ASB15: variants seen among roughly 807,000 people sequenced by gnomAD.
The protein encoded by ASB15 is ankyrin repeat and SOCS box protein 15.
In ASB15, 54 loss-of-function variants were observed where a neutral mutation model predicts 58.0. That is an observed-to-expected ratio of 0.93 (90% CI 0.75 to 1.17). The LOEUF (loss-of-function observed/expected upper bound fraction) is 1.17. Ranked by LOEUF, ASB15 falls within the 50% of genes most tolerant of loss-of-function variation. ASB15 has a pLI of 0.00. For synonymous variants in ASB15, 249 were observed against 262.4 expected (o/e 0.95, Z 0.50); for missense variants, 680 against 707.4 (o/e 0.96, Z 0.44).
At position 123,629,244 on chromosome 7, in the gene ASB15, G is replaced by A. The variant is rs149642706; in HGVS notation, c.1250G>A (p.Arg417His). ...NCYFMHVNDT[R>H]FPSVIQYALN... ...TATTTTATGCATGTGAATGACACTC[G>A]TTTCCCCAGTGTCATTCAATATGCT... The change falls in exon 10 of 12, where the codon CGT becomes CAT. Residue 417 changes from arginine to histidine, a missense_variant. By Grantham distance (29) the Arg-to-His change is conservative. Transcript: ENST00000451215. 257 of 1,613,850 alleles carry A rather than the reference G, an allele frequency of 1.6e-4. No homozygotes were observed. Among genetic ancestry groups the A allele is most frequent in the Non-Finnish European group, 1.9e-4 (220 of 1,179,910 alleles).
intron 1 of ASB15, among the ~76,000 whole-genome samples, chr7:123,591,492 G>A (rs570367310): frequency 5.5e-4 from 83 of 152,264 alleles, no homozygotes; most frequent in Non-Finnish European, 8.1e-4. Context: ...CTAGTTTATT[G>A]AGAGTTTTAA....
intron 2 of ASB15, among the ~76,000 whole-genome samples, chr7:123,607,081 T>C (rs542716806): frequency 1.3e-5 from 2 of 152,320 alleles, no homozygotes; most frequent in South Asian, 4.1e-4. Flanking sequence ...TGTGCCAGAA[T>C]GGATAGTTTA....
chr7:123,616,456 G>A lies in ASB15; in HGVS notation c.253G>A (p.Val85Ile), dbSNP rs763712049. 1 of 1,612,596 alleles carries A rather than the reference G, an allele frequency of 6.2e-7. No homozygotes were observed. Among genetic ancestry groups the A allele is most frequent in the South Asian group, 1.1e-5 (1 of 90,954 alleles). Residue 85 changes from valine to isoleucine, a missense_variant, in exon 6 of 12, where the codon GTT (valine) becomes ATT (isoleucine). Coordinates refer to ENST00000451215, the MANE Select transcript of ASB15 (RefSeq NM_001290258.2). ...ATGGTTTCCATTGCATGAAGCTGTT[G>A]TTCAACCCATTCAACAAATACTTGA... ...KGWFPLHEAV[V>I]QPIQQILEIV...
chr7:123,593,094 C>T (rs1799587274), intron 1 of ASB15, among the ~76,000 whole-genome samples: 2 of 151,696 alleles, frequency 1.3e-5, no homozygotes, highest in African/African-American at 4.8e-5. Context: ...GATTGCAGCC[C>T]CTGCTTTTTT....
At chr7:123,575,489 CT>C (rs1799039495) in intron 1 of ASB15, among the ~76,000 whole-genome samples, 2 of 152,034 alleles carry the variant, frequency 1.3e-5, no homozygotes, top group African/African-American at 4.8e-5. Flanking sequence ...AATTGTATCA[CT>C]TCTGTATTGT....
In ASB15 at chr7:123,629,178, T is replaced by C. The variant is rs759512905; in HGVS notation, c.1184T>C (p.Ile395Thr). The change falls in exon 10 of 12, where the codon ATT becomes ACT. Residue 395 changes from isoleucine (I) to threonine (T), a missense_variant. By Grantham distance (89) the Ile-to-Thr change is moderately conservative. Coordinates refer to ENST00000451215, the MANE Select transcript of ASB15 (RefSeq NM_001290258.2). ...LVAVRANNYE[I>T]VRLLLSHGAN... is the part of the protein sequence containing the mutation. ...GCAGTGAGGGCCAATAATTATGAAA[T>C]TGTCAGGCTGCTTCTCTCCCATGGA... The C allele has an allele frequency of 1.9e-6, 3 of 1,614,068 alleles. No individual in the cohort carries two copies. The highest frequency in any genetic ancestry group is 2.5e-6 in the Non-Finnish European group (3 of 1,179,936).
At chr7:123,583,242 GATAA>G (rs1184927831) in intron 1 of ASB15, among the ~76,000 whole-genome samples, 2 of 151,768 alleles carry the variant, frequency 1.3e-5, no homozygotes, top group Non-Finnish European at 1.5e-5. Context: ...TAAATAAATA[GATAA>G]ATAAATAAAA....
At chr7:123,598,290 A>G (rs1398416969), upstream of ASB15, among the ~76,000 whole-genome samples, 1 of 152,154 alleles carries the variant, frequency 6.6e-6, no homozygotes, top group Non-Finnish European at 1.5e-5. Context: ...TTTTGATAAC[A>G]ATGATATGAA....
At chr7:123,572,007 C>G (rs1277223832) in intron 1 of ASB15, among the ~76,000 whole-genome samples, 1 of 151,772 alleles carries the variant, frequency 6.6e-6, no homozygotes, top group African/African-American at 2.4e-5. Context: ...AGGCTAGTCT[C>G]AAATTCCTGG....
In ASB15 at chr7:123,630,165, T is replaced by C. The variant is rs200866727; in HGVS notation, c.1594+46T>C. ...CTACAATTTTTAAATTAAGAACTTA[T>C]ATGGGGGAAATTTCTTAATGTCTTC... is the stretch of plus-strand genomic sequence containing the variant. On this transcript the variant is annotated intron_variant, in intron 11 of 11. Coordinates refer to ENST00000451215, the MANE Select transcript of ASB15 (RefSeq NM_001290258.2). The C allele has an allele frequency of 1.1e-4, 149 of 1,404,476 alleles. 1 individual carries two copies. In the South Asian group the frequency reaches 1.7e-3, roughly 16 times the overall value. 87.0% of individuals were successfully genotyped at this position (1,404,476 alleles called of 1,614,324 possible).
chr7:123,593,998 A>C (rs551955604), intron 1 of ASB15, among the ~76,000 whole-genome samples: 1 of 151,778 alleles, frequency 6.6e-6, no homozygotes, highest in Admixed American at 6.6e-5. Flanking sequence ...TTTTTTCTCT[A>C]ATCTTGTCTT....
chr7:123,633,678 AATG>A (rs1163829806), intron 11 of ASB15, among the ~76,000 whole-genome samples: 1 of 152,196 alleles, frequency 6.6e-6, no homozygotes, highest in Non-Finnish European at 1.5e-5. Context: ...TCTTAGAAAT[AATG>A]ATGAACCCAG....
intron 3 of ASB15, among the ~76,000 whole-genome samples, chr7:123,612,555 C>T (rs1800526105): frequency 6.6e-6 from 1 of 151,932 alleles, no homozygotes; most frequent in Admixed American, 6.6e-5. Context: ...ATGTCTTGTG[C>T]CAGCCTTAAC....
intron 7 of ASB15, among the ~76,000 whole-genome samples, chr7:123,621,750 C>A (rs372295868): frequency 1.2e-3 from 188 of 152,242 alleles, no homozygotes; most frequent in African/African-American, 4.2e-3. Flanking sequence ...TTATAGTCAT[C>A]GAGTTTCTTG....
intron 1 of ASB15, among the ~76,000 whole-genome samples, chr7:123,586,896 T>C (rs992046818): frequency 6.6e-6 from 1 of 151,842 alleles, no homozygotes; most frequent in South Asian, 2.1e-4. Flanking sequence ...GTGCTCTCTT[T>C]TGATGTGTCT....
intron 1 of ASB15, among the ~76,000 whole-genome samples, chr7:123,575,357 A>C (rs2116291204): frequency 6.6e-6 from 1 of 152,130 alleles, no homozygotes; most frequent in East Asian, 1.9e-4. Flanking sequence ...TCATATGTTA[A>C]ATATGTTCAT....
chr7:123,575,268 G>T (rs889290998), intron 1 of ASB15, among the ~76,000 whole-genome samples: 9 of 151,862 alleles, frequency 5.9e-5, no homozygotes, highest in Admixed American at 2.0e-4. Context: ...AAACTATCAC[G>T]TTCCTTCTTT....
intron 1 of ASB15, among the ~76,000 whole-genome samples, chr7:123,591,888 T>G (rs751246022): frequency 3.2e-4 from 49 of 152,194 alleles, no homozygotes; most frequent in Admixed American, 5.9e-4. Context: ...CAGCTTTTCT[T>G]TGTACCTCTG....
chr7:123,620,233 G>A (rs558347906), intron 7 of ASB15: 50 of 151,988 alleles, frequency 3.3e-4, no homozygotes, highest in African/African-American at 1.0e-3. Context: ...CACACCTTGG[G>A]GCAACGGAGG....
Sources: allele counts gnomAD v4.1 joint callset (sites outside exome capture counted in the v4.1 genomes callset), GRCh38; gene constraint gnomAD v4.1.1; transcripts MANE v1.5; gene names NCBI Gene and HGNC (gene_info 2026-07-23, HGNC 2026-07-21).